The following PFKFB3 variants were observed in gnomAD, a reference collection of about 807,000 sequenced individuals.
PFKFB3 encodes the protein 6-phosphofructo-2-kinase/fructose-2,6-biphosphatase 3, also known as 6-phosphofructo-2-kinase/fructose-2,6-bisphosphatase 3.
PFKFB3 carries 33 observed loss-of-function variants against 68.0 expected under a neutral mutation model. The ratio of observed to expected loss-of-function variants is 0.49; its 90% CI spans 0.37 to 0.65. The LOEUF is 0.65. Ranked by LOEUF, PFKFB3 falls within the 30% of genes least tolerant of loss-of-function variation. PFKFB3 has a pLI of 0.00. For synonymous variants in PFKFB3, 315 were observed against 288.2 expected (o/e 1.09, Z -0.94); for missense variants, 586 against 712.2 (o/e 0.82, Z 2.02).
chr10:6,321,072 T>C, the PFKFB3 span, among the ~76,000 whole-genome samples: 1 of 152,204 alleles, frequency 6.6e-6, no homozygotes, highest in Non-Finnish European at 1.5e-5. Flanking sequence ...GAAGTCATTC[T>C]GTACAATTTA....
rs528223599 is a variant in PFKFB3, at chr10:6,154,321, C to G, written c.16+9308C>G. On this transcript the variant is annotated intron_variant, in intron 1 of 14. Transcript: ENST00000379789. The surrounding 1 kb of genome is among the most constrained non-coding windows in gnomAD (Gnocchi z 4.6). ...AGTGCAGTGGCGCGTTCTCGGCTCA[C>G]TGCAACCTCTGCCTCTCGAGTTCAA... Among the ~76,000 whole-genome samples the G allele has an allele frequency of 3.3e-5, 5 of 151,962 alleles. No homozygotes were observed. The highest frequency in any genetic ancestry group is 3.3e-4 in the Admixed American group (5 of 15,270).
At chr10:6,199,482 CT>C (rs58813981), upstream of PFKFB3, among the ~76,000 whole-genome samples, 89 of 141,478 alleles carry the variant, frequency 6.3e-4, no homozygotes, top group Admixed American at 5.6e-4. Context: ...CAGGCACTTG[CT>C]TTTTTTTTTT....
intron 1 of PFKFB3, among the ~76,000 whole-genome samples, chr10:6,208,150 T>C (rs1843916007): frequency 1.3e-5 from 2 of 152,056 alleles, no homozygotes; most frequent in African/African-American, 4.8e-5. Flanking sequence ...TCACGTCTCA[T>C]TGAAGCCTTG....
At chr10:6,211,666 A>C (rs879525394) in intron 1 of PFKFB3, among the ~76,000 whole-genome samples, 12 of 152,140 alleles carry the variant, frequency 7.9e-5, no homozygotes, top group Non-Finnish European at 1.3e-4. Context: ...TGTTCCACTC[A>C]TGTGCTCAGG....
intron 14 of PFKFB3, among the ~76,000 whole-genome samples, chr10:6,246,641 C>A (rs1185857813): frequency 6.6e-6 from 1 of 152,050 alleles, no homozygotes; most frequent in Admixed American, 6.6e-5. Context: ...TGCGCCCGGC[C>A]TATTTTATGT....
chr10:6,232,821 G>T (rs371402215), intron 14 of PFKFB3, 74 bp from the exon 15 acceptor site: 1 of 1,144,778 alleles, frequency 8.7e-7, no homozygotes. Flanking sequence ...TGCATGGCTC[G>T]CGTCTTCTGC....
At chr10:6,310,155 C>G in the PFKFB3 span, among the ~76,000 whole-genome samples, 1 of 152,220 alleles carries the variant, frequency 6.6e-6, no homozygotes, top group East Asian at 1.9e-4. Context: ...CCGGTGTAGA[C>G]AGCAGCAAAC....
Position 6,160,672 on chromosome 10 carries a change from C to G in PFKFB3, c.16+15659C>G, listed in dbSNP as rs558743878. 4.3e-5 allele frequency among the ~76,000 whole-genome samples: 6 copies of G among 139,698 alleles called. No individual in the cohort carries two copies. In the South Asian group the frequency reaches 1.4e-3, roughly 33 times the overall value. 91.6% of individuals were successfully genotyped at this position (139,698 alleles called of 152,430 possible). A position where few individuals can be genotyped will look rare whatever the true frequency, so the allele number is the denominator to read the frequency against. On this transcript the variant is annotated intron_variant, in intron 1 of 14. Coordinates refer to the PFKFB3 transcript ENST00000379789. ...GGTGGAGGCTGCAGTGAGCTGAGAT[C>G]TCGCCATTGCATTCCAGCCTGGGCG...
intron 1 of PFKFB3, among the ~76,000 whole-genome samples, chr10:6,167,753 T>C (rs1202492497): frequency 6.6e-6 from 1 of 152,198 alleles, no homozygotes; most frequent in African/African-American, 2.4e-5. Flanking sequence ...CTGATGATCC[T>C]CTTTTCTTCC....
intron 1 of PFKFB3, among the ~76,000 whole-genome samples, chr10:6,169,399 G>T (rs1489691327): frequency 6.6e-6 from 1 of 152,154 alleles, no homozygotes; most frequent in Non-Finnish European, 1.5e-5. Flanking sequence ...ATTTTAGTGA[G>T]CAAGGGGCAC....
chr10:6,275,483 G>C, the PFKFB3 span, among the ~76,000 whole-genome samples: 3 of 152,188 alleles, frequency 2.0e-5, no homozygotes, highest in African/African-American at 2.4e-5. The surrounding 1 kb of genome is among the most constrained non-coding windows in gnomAD (Gnocchi z 4.9). Context: ...GGCCTCTGCC[G>C]GTGACTCACC....
chr10:6,219,282 T>C, intron 6 of PFKFB3, among the ~76,000 whole-genome samples: 1 of 152,192 alleles, frequency 6.6e-6, no homozygotes, highest in East Asian at 1.9e-4. Flanking sequence ...ACGGGACAGA[T>C]CCTGACTTGC....
the PFKFB3 span, among the ~76,000 whole-genome samples, chr10:6,291,054 TTAAAA>T: frequency 6.6e-6 from 1 of 152,198 alleles, no homozygotes; most frequent in Non-Finnish European, 1.5e-5. Context: ...ACATATTTAA[TTAAAA>T]TAGAATAGGC....
At chr10:6,291,507 G>T in the PFKFB3 span, among the ~76,000 whole-genome samples, 20 of 150,278 alleles carry the variant, frequency 1.3e-4, no homozygotes, top group African/African-American at 4.9e-4. Context: ...AGCAGAGATT[G>T]TGCCGCTGCA....
chr10:6,216,897 C>A, intron 5 of PFKFB3, 117 bp downstream of exon 5: 1 of 851,028 alleles, frequency 1.2e-6, no homozygotes, highest in Non-Finnish European at 2.0e-6. Context: ...CTTAGTCCTG[C>A]TCGGTCCCTC....
chr10:6,238,445 G>C (rs1420326517), downstream of PFKFB3, among the ~76,000 whole-genome samples: 1 of 138,506 alleles, frequency 7.2e-6, no homozygotes, highest in Admixed American at 7.6e-5. Flanking sequence ...GATTACAGGT[G>C]TGAGCCACTG....
chr10:6,184,093 C>A (rs2131800646), intron 1 of PFKFB3, among the ~76,000 whole-genome samples: 1 of 151,894 alleles, frequency 6.6e-6, no homozygotes, highest in South Asian at 2.1e-4. Context: ...TGCTCTGTTG[C>A]CCAGACTGGA....
the PFKFB3 span, among the ~76,000 whole-genome samples, chr10:6,290,130 T>A: frequency 2.0e-5 from 3 of 152,186 alleles, no homozygotes; most frequent in Non-Finnish European, 4.4e-5. Context: ...TTTCTAGATA[T>A]ACAATCATGT....
intron 14 of PFKFB3, among the ~76,000 whole-genome samples, chr10:6,246,404 T>C (rs1228980898): frequency 6.6e-6 from 1 of 151,452 alleles, no homozygotes; most frequent in Non-Finnish European, 1.5e-5. Context: ...AGTGGCACGA[T>C]CTCGGCTCAC....
Sources: gnomAD v4.1 joint callset for allele counts (sites outside exome capture counted in the v4.1 genomes callset) on GRCh38, gnomAD v4.1.1 for gene constraint, Gnocchi (gnomAD v3.1) non-coding constraint, MANE v1.5 for transcripts, NCBI Gene and HGNC (gene_info 2026-07-23, HGNC 2026-07-21) for gene names.